Variants in MMP26 observed in about 807,000 individuals in gnomAD.
MMP26 encodes the protein matrix metalloproteinase-26.
In MMP26, 33 loss-of-function variants were observed where a neutral mutation model predicts 31.0. The ratio of observed to expected loss-of-function variants is 1.06; its 90% CI spans 0.81 to 1.42. MMP26 has a LOEUF of 1.42. Ranked by LOEUF, MMP26 falls within the 40% of genes most tolerant of loss-of-function variation. The probability of loss-of-function intolerance (pLI) is 0.00; values close to 1 mark genes in which losing one functional copy is unlikely to be tolerated. For synonymous variants in MMP26, 122 were observed against 114.9 expected, an observed-to-expected ratio of 1.06 and a Z score of -0.40; for missense variants, 347 against 316.1, an observed-to-expected ratio of 1.10 and a Z score of -0.74.
In MMP26 at chr11:4,963,616, T is replaced by C. The variant is rs542965941; in HGVS notation, c.-144-24452T>C. Among the ~76,000 whole-genome samples, 10 of 152,214 alleles carry C rather than the reference T, an allele frequency of 6.6e-5. No homozygotes were observed. The South Asian group carries it at 2.1e-3, about 32-fold the overall frequency. On this transcript the variant is annotated intron_variant, in intron 2 of 7. Coordinates refer to ENST00000380390, the MANE Select transcript of MMP26 (RefSeq NM_021801.5). ...CCTTCTGATCTTTGTCCTTGCTTTTTATGACGTGTTATTTACAGAGGTTCA... is the reference window on the plus strand; with the variant it reads ...CCTTCTGATCTTTGTCCTTGCTTTTCATGACGTGTTATTTACAGAGGTTCA...
At chr11:4,938,047 G>A (rs2133597853) in intron 2 of MMP26, 2 of 152,328 alleles carry the variant, frequency 1.3e-5, no homozygotes, top group East Asian at 3.9e-4. Flanking sequence ...TAGTCCCAAA[G>A]TGATGGGTAA....
chr11:4,989,288 T>C (rs1026553918), intron 3 of MMP26, among the ~76,000 whole-genome samples: 7 of 152,330 alleles, frequency 4.6e-5, no homozygotes, highest in Middle Eastern at 6.8e-3. Flanking sequence ...GTATCCTGAT[T>C]AAGAAAACCT....
At chr11:4,720,464 T>C (rs1047622742) in intron 1 of MMP26, among the ~76,000 whole-genome samples, 2 of 152,108 alleles carry the variant, frequency 1.3e-5, no homozygotes, top group African/African-American at 4.8e-5. Context: ...CGGGTCTAGA[T>C]TGAAAAATAG....
In MMP26 at chr11:4,812,523, AG is replaced by A. The variant is rs1849363849; in HGVS notation, c.-145+45186del. On this transcript the variant is annotated intron_variant, in intron 2 of 7. Transcript: ENST00000380390. ...AGGGGAAAAGTAGGCAGAAAGGAGAAGGGGAAAGAAAAAAAGAGGTAGGATA... is the reference window on the plus strand; with the variant it reads ...AGGGGAAAAGTAGGCAGAAAGGAGAAGGGAAAGAAAAAAAGAGGTAGGATA... Among the ~76,000 whole-genome samples, 4 of 152,172 alleles carry A rather than the reference AG, an allele frequency of 2.6e-5. No homozygotes were observed. The South Asian group carries it at 8.3e-4, about 31-fold the overall frequency.
At chr11:4,963,232 A>T (rs1846545181) in intron 2 of MMP26, among the ~76,000 whole-genome samples, 1 of 152,204 alleles carries the variant, frequency 6.6e-6, no homozygotes, top group Admixed American at 6.5e-5. Flanking sequence ...AGGAAATAAG[A>T]GAGGACACAA....
intron 2 of MMP26, chr11:4,923,754 C>A (rs1242560270): frequency 6.2e-7 from 1 of 1,614,044 alleles, no homozygotes; most frequent in Middle Eastern, 1.6e-4. Flanking sequence ...ATGTGATTGA[C>A]AATGATGCTA....
intron 2 of MMP26, chr11:4,859,879 C>T: frequency 2.1e-6 from 1 of 471,134 alleles, no homozygotes; most frequent in South Asian, 1.5e-5. Context: ...GGAGACAATG[C>T]CCAGCACAGT....
chr11:4,980,132 T>A (rs980931300), intron 2 of MMP26, among the ~76,000 whole-genome samples: 2 of 152,106 alleles, frequency 1.3e-5, no homozygotes, highest in Non-Finnish European at 2.9e-5. Flanking sequence ...CAGAGAGGAT[T>A]ATTCCAGCTC....
intron 2 of MMP26, chr11:4,882,262 C>T (rs1204349445): frequency 1.2e-6 from 2 of 1,613,940 alleles, no homozygotes; most frequent in Non-Finnish European, 1.7e-6. Flanking sequence ...TAGCCATGGC[C>T]TTTGACCGCT....
chr11:4,822,344 T>C, intron 2 of MMP26: 1 of 1,494,066 alleles, frequency 6.7e-7, no homozygotes, highest in Non-Finnish European at 8.9e-7. Context: ...ATTATCAAGG[T>C]CTTAATTCAG....
chr11:4,846,354 A>G (rs1036521865), intron 2 of MMP26, among the ~76,000 whole-genome samples: 1 of 152,168 alleles, frequency 6.6e-6, no homozygotes, highest in African/African-American at 2.4e-5. Context: ...AAAAATGAAA[A>G]CAATTGTACT....
chr11:4,748,139 C>CA (rs1344336499), intron 1 of MMP26, among the ~76,000 whole-genome samples: 2 of 151,890 alleles, frequency 1.3e-5, no homozygotes, highest in Non-Finnish European at 2.9e-5. Context: ...CATAGAAATA[C>CA]AAAAGATCAT....
At chr11:4,798,199 T>TG (rs1849133556) in intron 2 of MMP26, among the ~76,000 whole-genome samples, 1 of 152,202 alleles carries the variant, frequency 6.6e-6, no homozygotes, top group South Asian at 2.1e-4. Context: ...GGGGTGGGGA[T>TG]GGGGTGAAGG....
At chr11:4,924,296 A>G in intron 2 of MMP26, 1 of 1,613,262 alleles carries the variant, frequency 6.2e-7, no homozygotes, top group Non-Finnish European at 8.5e-7. Flanking sequence ...GCCCGTCAGG[A>G]AGAAAGTGGC....
At chr11:4,791,568 A>G (rs1849027715) in intron 2 of MMP26, among the ~76,000 whole-genome samples, 1 of 152,290 alleles carries the variant, frequency 6.6e-6, no homozygotes, top group South Asian at 2.1e-4. Flanking sequence ...TGTTAATACT[A>G]TCACAACAAA....
intron 3 of MMP26, among the ~76,000 whole-genome samples, chr11:4,988,632 A>G (rs1846942772): frequency 6.6e-6 from 1 of 152,098 alleles, no homozygotes; most frequent in South Asian, 2.1e-4. Context: ...TCTCTGATCT[A>G]TATACTGGAG....
chr11:4,721,940 C>G (rs931619748), intron 1 of MMP26, among the ~76,000 whole-genome samples: 5 of 152,156 alleles, frequency 3.3e-5, no homozygotes, highest in African/African-American at 1.2e-4. Context: ...CTCAGCATCC[C>G]TTGTGATACT....
In MMP26 at chr11:4,759,096, A is replaced by G. The variant is rs959635571; in HGVS notation, c.-216-8174A>G. Among the ~76,000 whole-genome samples, 4 of 133,704 alleles carry G rather than the reference A, an allele frequency of 3.0e-5. No homozygotes were observed. In the Admixed American group the frequency reaches 3.2e-4, roughly 11 times the overall value. 87.7% of individuals were successfully genotyped at this position (133,704 alleles called of 152,430 possible). The stretch of plus-strand genomic sequence containing the variant: ...ACTGCATTCCAGCCTGGGCAACAAG[A>G]GTGACATTCCATCTCAAAAAAAAAA... On this transcript the variant is annotated intron_variant, in intron 1 of 7. Coordinates refer to ENST00000380390, the MANE Select transcript of MMP26 (RefSeq NM_021801.5).
At chr11:4,720,448 G>A (rs1326209952) in intron 1 of MMP26, among the ~76,000 whole-genome samples, 2 of 152,174 alleles carry the variant, frequency 1.3e-5, no homozygotes, top group Non-Finnish European at 2.9e-5. Flanking sequence ...AAGTGGATAT[G>A]CTATTCGGGT....
Sources: allele counts gnomAD v4.1 joint callset (sites outside exome capture counted in the v4.1 genomes callset), GRCh38; gene constraint gnomAD v4.1.1; transcripts MANE v1.5; gene names NCBI Gene and HGNC (gene_info 2026-07-23, HGNC 2026-07-21).